Variants in ZFP30 observed in about 807,000 individuals in gnomAD.
ZFP30 encodes zinc finger protein 30 homolog.
A neutral mutation model predicts 12.3 loss-of-function variants in ZFP30; 16 were observed. The ratio of observed to expected loss-of-function variants is 1.30; its 90% CI spans 0.88 to 1.98. The LOEUF is 1.98. Among genes scored for constraint, ZFP30 ranks in the 30% most tolerant of loss-of-function variants. ZFP30 has a pLI of 0.00. For missense variants in ZFP30, 560 were observed against 611.2 expected (o/e 0.92, Z 0.88); for synonymous variants, 172 against 201.0 (o/e 0.86, Z 1.22).
In ZFP30 at chr19:37,631,252, G is replaced by T. The variant is rs1235844018; in HGVS notation, c.*3729C>A. 6.6e-6 allele frequency: 1 copy of T among 152,132 alleles called. No homozygotes were observed. The highest frequency in any genetic ancestry group is 1.9e-4 in the East Asian group (1 of 5,198). 9.4% of individuals were successfully genotyped at this position (152,132 alleles called of 1,614,324 possible). On this transcript the variant is annotated 3_prime_UTR_variant, in exon 6 of 6. Transcript: ENST00000684514. ...ACAAGCATTAAGAGTGAAAGTTACA[G>T]GGTAAAAGGTGCTTCAGATACATTA...
chr19:37,637,862 T>G (rs148608735), intron 5 of ZFP30, among the ~76,000 whole-genome samples: 2 of 152,328 alleles, frequency 1.3e-5, no homozygotes, highest in African/African-American at 4.8e-5. Flanking sequence ...TCTCTTTATT[T>G]TCTTACCTTA....
chr19:37,636,057 C>G lies in ZFP30; in HGVS notation c.484G>C (p.Glu162Gln), dbSNP rs765444960. Residue 162 changes from glutamate to glutamine, a missense_variant, in exon 6 of 6, where the codon GAA (glutamate) becomes CAA (glutamine). Physicochemically the swap from Glu to Gln is conservative, Grantham distance 29. Transcript: ENST00000684514. The part of the protein sequence containing the change: ...HNREKPYECG[E>Q]CGKAFRVRQQ... ...CGTACTCTAAAAGCCTTCCCACATT[C>G]CCCACATTCGTAGGGTTTCTCTCTG... The G allele has an allele frequency of 3.1e-6, 5 of 1,614,178 alleles. No homozygotes were observed. Among genetic ancestry groups the G allele is most frequent in the Admixed American group, 1.7e-5 (1 of 60,018 alleles).
chr19:37,646,107 G>A (rs1009440688), intron 3 of ZFP30, among the ~76,000 whole-genome samples: 6 of 151,994 alleles, frequency 3.9e-5, no homozygotes, highest in African/African-American at 7.2e-5. Flanking sequence ...TAACCACTCC[G>A]CCCCACCTGG....
chr19:37,637,499 CT>C (rs925822941), intron 5 of ZFP30, among the ~76,000 whole-genome samples: 1 of 149,808 alleles, frequency 6.7e-6, no homozygotes, highest in Non-Finnish European at 1.5e-5. Flanking sequence ...TACTTCTTTC[CT>C]TTTTTTTTGA....
chr19:37,636,399 AAAAAG>A, intron 5 of ZFP30, 94 bp from the exon 6 acceptor site: 7 of 1,314,394 alleles, frequency 5.3e-6, no homozygotes, highest in South Asian at 1.8e-5. Flanking sequence ...AAAAAAAAAA[AAAAAG>A]AAAAAGAAAG....
chr19:37,636,191 T>C lies in ZFP30; in HGVS notation c.350A>G (p.Gln117Arg), dbSNP rs2044322740. The change falls in exon 6 of 6, where the codon CAA becomes CGA. Residue 117 changes from glutamine (Q) to arginine (R), a missense_variant. Transcript: ENST00000684514. ...ERIKSCGLEE[Q>R]ESPHEVCFRQ... ...GAAACACACCTCATGAGGACTTTCT[T>C]GTTCTTCAAGTCCACAGCTTTTAAT... 1.2e-6 allele frequency: 2 copies of C among 1,614,074 alleles called. No homozygotes were observed. The highest frequency in any genetic ancestry group is 1.3e-5 in the African/African-American group (1 of 74,952).
intron 3 of ZFP30, among the ~76,000 whole-genome samples, chr19:37,646,716 C>T (rs190780791): frequency 5.5e-4 from 83 of 152,234 alleles, no homozygotes; most frequent in Admixed American, 5.2e-3. Flanking sequence ...GCTGAGACCA[C>T]AGGCATATGC....
chr19:37,638,387 C>T (rs1268567300), intron 5 of ZFP30, among the ~76,000 whole-genome samples: 1 of 152,134 alleles, frequency 6.6e-6, no homozygotes, highest in African/African-American at 2.4e-5. Context: ...CAGGTTTATA[C>T]TATGGTAAAA....
At chr19:37,648,199 A>G (rs1006481492) in intron 2 of ZFP30, among the ~76,000 whole-genome samples, 1 of 152,136 alleles carries the variant, frequency 6.6e-6, no homozygotes, top group Non-Finnish European at 1.5e-5. Context: ...GCTGGTTTGG[A>G]CCAAAGAATG....
intron 3 of ZFP30, 91 bp downstream of exon 3, chr19:37,647,723 C>G (rs1026956422): frequency 4.6e-5 from 70 of 1,529,760 alleles, no homozygotes; most frequent in Non-Finnish European, 5.7e-5. Flanking sequence ...GAATGGGGCT[C>G]TGTTAGAAAG....
intron 2 of ZFP30, among the ~76,000 whole-genome samples, chr19:37,652,478 G>A (rs549472445): frequency 6.1e-4 from 93 of 152,248 alleles, no homozygotes; most frequent in African/African-American, 2.1e-3. Flanking sequence ...TGAGGCAGGA[G>A]AATCACTTGA....
In ZFP30 at chr19:37,631,316, T is replaced by C. The variant is rs1252440555; in HGVS notation, c.*3665A>G. 1 of 152,236 alleles carries C rather than the reference T, an allele frequency of 6.6e-6. No homozygotes were observed. The highest frequency in any genetic ancestry group is 6.5e-5 in the Admixed American group (1 of 15,286). 9.4% of individuals were successfully genotyped at this position (152,236 alleles called of 1,614,324 possible). A position where few individuals can be genotyped will look rare whatever the true frequency, so the allele number is the denominator to read the frequency against. On this transcript the variant is annotated 3_prime_UTR_variant, in exon 6 of 6. Coordinates refer to ENST00000684514, the MANE Select transcript of ZFP30 (RefSeq NM_001320669.3). Reference sequence around the variant, plus strand: ...CAATTAAACTCTCATTACTTCATTATTTGGAGAAGCTATAGTTTTATTTTC... The same window carrying C: ...CAATTAAACTCTCATTACTTCATTACTTGGAGAAGCTATAGTTTTATTTTC...
At chr19:37,647,938 C>A in intron 2 of ZFP30, 39 bp from the exon 3 acceptor site, 1 of 1,258,880 alleles carries the variant, frequency 7.9e-7, no homozygotes, top group Non-Finnish European at 1.1e-6. Flanking sequence ...AAGAGAACTG[C>A]CTCAGAGTTT....
At position 37,634,107 on chromosome 19, in the gene ZFP30, A is replaced by T. The variant is rs1306013022; in HGVS notation, c.*874T>A. 1 of 152,188 alleles carries T rather than the reference A, an allele frequency of 6.6e-6. No individual in the cohort carries two copies. The highest frequency in any genetic ancestry group is 1.9e-4 in the East Asian group (1 of 5,200). The allele number at this position is 152,188 out of a possible 1,614,324, so 9.4% of individuals were successfully genotyped here. A position where few individuals can be genotyped will look rare whatever the true frequency, so the allele number is the denominator to read the frequency against. ...TGTCTCAAGTCTGTCAATACCTAGG[A>T]GTTCCACCTTATTTCTTAAAATGCC... On this transcript the variant is annotated 3_prime_UTR_variant, in exon 6 of 6. Transcript: ENST00000684514.
rs1317383399 is a variant in ZFP30 at position 37,635,043 on chromosome 19, T to C, written c.1498A>G (p.Lys500Glu). The change falls in exon 6 of 6, where the codon AAA becomes GAA. Residue 500 changes from lysine to glutamate, a missense_variant. Lys to Glu is a moderately conservative substitution (Grantham distance 56). Transcript: ENST00000684514. ...GEKPYKCKEC[K>E]KAFRQHSHLT... is the part of the protein sequence containing the mutation. ...TGTGAATGTTGTCTAAATGCCTTTT[T>C]ACATTCCTTACATTTGTATGGTTTC... is the stretch of plus-strand genomic sequence containing the variant. 3 of 1,597,172 alleles carry C rather than the reference T, an allele frequency of 1.9e-6. No individual in the cohort carries two copies. The highest frequency in any genetic ancestry group is 2.6e-6 in the Non-Finnish European group (3 of 1,174,082).
intron 1 of ZFP30, chr19:37,655,091 G>A (rs2044726790): frequency 6.6e-6 from 1 of 152,298 alleles, no homozygotes; most frequent in Non-Finnish European, 1.5e-5. Context: ...TTCATCCTGG[G>A]GCGTTCACCT....
At chr19:37,652,402 A>G (rs925314523) in intron 2 of ZFP30, among the ~76,000 whole-genome samples, 13 of 152,014 alleles carry the variant, frequency 8.6e-5, no homozygotes, top group Admixed American at 3.9e-4. Context: ...CCCTGTCCCT[A>G]CTAAAAATAC....
intron 2 of ZFP30, 83 bp from the exon 3 acceptor site, chr19:37,647,982 C>A: frequency 1.4e-6 from 1 of 717,026 alleles, no homozygotes; most frequent in Admixed American, 2.7e-5. Flanking sequence ...CTTCTCCATT[C>A]CTATATGCAA....
Position 37,633,193 on chromosome 19 carries a change from C to CATACCATG in ZFP30, c.*1780_*1787dup, listed in dbSNP as rs1028637021. 1.4e-5 allele frequency: 2 copies of CATACCATG among 148,128 alleles called. No homozygotes were observed. The highest frequency in any genetic ancestry group is 3.0e-5 in the Non-Finnish European group (2 of 66,912). The allele number at this position is 148,128 out of a possible 1,614,324, so 9.2% of individuals were successfully genotyped here. A position where few individuals can be genotyped will look rare whatever the true frequency, so the allele number is the denominator to read the frequency against. ...CTCAAAAAAAAAAAAAAAAAAGGTG[C>CATACCATG]ATACCATGGGTACTATAATATAGAG... On this transcript the variant is annotated 3_prime_UTR_variant, in exon 6 of 6. Transcript: ENST00000684514.
Sources: gnomAD v4.1 joint callset for allele counts (sites outside exome capture counted in the v4.1 genomes callset) on GRCh38, gnomAD v4.1.1 for gene constraint, MANE v1.5 for transcripts, NCBI Gene and HGNC (gene_info 2026-07-23, HGNC 2026-07-21) for gene names.